The following GARIN1A variants were observed in gnomAD, a reference collection of about 807,000 sequenced individuals.
GARIN1A encodes the protein golgi associated RAB2 interactor 1A, also known as Golgi-associated RAB2 interactor protein 1A.
chr7:128,673,148 G>A, the GARIN1A span, among the ~76,000 whole-genome samples: 1 of 152,130 alleles, frequency 6.6e-6, no homozygotes, highest in Non-Finnish European at 1.5e-5. Flanking sequence ...ATGCTCCTGC[G>A]CAGGAGAGCA....
chr7:128,704,698 T>C, the GARIN1A span, among the ~76,000 whole-genome samples: 1 of 152,118 alleles, frequency 6.6e-6, no homozygotes, highest in Non-Finnish European at 1.5e-5. Flanking sequence ...CCGCCGCTGA[T>C]CTGACAGGAG....
chr7:128,690,349 TC>T, the GARIN1A span: 2 of 156,946 alleles, frequency 1.3e-5, no homozygotes, highest in Non-Finnish European at 2.8e-5. Context: ...TCTACTATTG[TC>T]CTATGACCCT....
At chr7:128,677,637 A>T in the GARIN1A span, 3 of 1,613,824 alleles carry the variant, frequency 1.9e-6, no homozygotes, top group Non-Finnish European at 2.5e-6. Flanking sequence ...TAGGACAGTG[A>T]CCGAAAAGAT....
chr7:128,701,320 A>G, the GARIN1A span, among the ~76,000 whole-genome samples: 6 of 98,876 alleles, frequency 6.1e-5, no homozygotes, highest in African/African-American at 2.3e-4. Context: ...GTACATCTAT[A>G]GGGGAGGGGG....
the GARIN1A span, chr7:128,672,576 C>T: frequency 7.2e-7 from 1 of 1,383,664 alleles, no homozygotes; most frequent in Admixed American, 2.1e-5. Context: ...TCAGGGCCAG[C>T]TGTCTTTCTG....
the GARIN1A span, among the ~76,000 whole-genome samples, chr7:128,704,204 A>G: frequency 8.3e-6 from 1 of 120,310 alleles, no homozygotes; most frequent in East Asian, 2.6e-4. Flanking sequence ...TTCTTGGAAG[A>G]CAGTCTTTCC....
the GARIN1A span, among the ~76,000 whole-genome samples, chr7:128,695,278 C>A: frequency 5.3e-5 from 8 of 152,300 alleles, no homozygotes; most frequent in African/African-American, 1.4e-4. This position sits in a 1 kb window ranked among gnomAD's most constrained non-coding sequence, Gnocchi z 4.5. Context: ...GAGGCGCATG[C>A]TGTCCGGCTT....
the GARIN1A span, among the ~76,000 whole-genome samples, chr7:128,673,040 G>A: frequency 1.3e-5 from 2 of 152,204 alleles, no homozygotes; most frequent in Non-Finnish European, 1.5e-5. Context: ...AAGTGAGCCT[G>A]GGATGGGGCC....
the GARIN1A span, chr7:128,697,372 A>C: frequency 6.6e-6 from 1 of 152,282 alleles, no homozygotes; most frequent in Admixed American, 6.5e-5. Flanking sequence ...TCACCCGGCC[A>C]TGTAAGCAGA....
chr7:128,676,845 G>A, the GARIN1A span, among the ~76,000 whole-genome samples: 1 of 151,952 alleles, frequency 6.6e-6, no homozygotes, highest in Non-Finnish European at 1.5e-5. Context: ...GCCTCTCTAA[G>A]CCTCAGCCTC....
the GARIN1A span, among the ~76,000 whole-genome samples, chr7:128,676,440 AGT>A: frequency 1.4e-5 from 2 of 139,682 alleles, no homozygotes; most frequent in Admixed American, 7.3e-5. Context: ...TGTGTGTGTA[AGT>A]GTGTGTGTAT....
At chr7:128,680,028 C>T in the GARIN1A span, 40 of 1,548,724 alleles carry the variant, frequency 2.6e-5, no homozygotes, top group East Asian at 5.8e-4. Flanking sequence ...TTTCTCCATC[C>T]AGCCTGAAAA....
chr7:128,682,664 G>A, the GARIN1A span, among the ~76,000 whole-genome samples: 3 of 152,022 alleles, frequency 2.0e-5, no homozygotes, highest in Non-Finnish European at 4.4e-5. Context: ...TGCAAGCTCC[G>A]CCTCCTGGGT....
At chr7:128,677,728 G>C in the GARIN1A span, 28 of 1,613,652 alleles carry the variant, frequency 1.7e-5, no homozygotes, top group African/African-American at 6.7e-5. Context: ...CTGCAGAAAG[G>C]CCTGTCCATC....
chr7:128,700,279 A>ATTTTTTTTTTTTTT, the GARIN1A span, among the ~76,000 whole-genome samples: 2 of 119,474 alleles, frequency 1.7e-5, 1 homozygote, highest in Non-Finnish European at 3.7e-5. Flanking sequence ...TTTGTTTTGT[A>ATTTTTTTTTTTTTT]TTTTGTTTTT....
chr7:128,681,653 C>T, the GARIN1A span, among the ~76,000 whole-genome samples: 5 of 151,806 alleles, frequency 3.3e-5, no homozygotes, highest in Non-Finnish European at 7.4e-5. Context: ...AGGCATGCAC[C>T]ACCATGCCTG....
the GARIN1A span, chr7:128,697,429 C>T: frequency 1.3e-5 from 2 of 152,476 alleles, no homozygotes; most frequent in African/African-American, 2.4e-5. Context: ...TGGGGCAGCC[C>T]GGCGCCACTG....
At chr7:128,672,491 C>A in the GARIN1A span, 2 of 1,609,390 alleles carry the variant, frequency 1.2e-6, no homozygotes, top group East Asian at 4.5e-5. Context: ...TCAACTGATT[C>A]ATTCTCCAGA....
the GARIN1A span, chr7:128,697,445 A>C: frequency 6.6e-6 from 1 of 152,078 alleles, no homozygotes; most frequent in Admixed American, 6.6e-5. Flanking sequence ...CACTGCCGGC[A>C]TCTACGCACC....
Sources: gnomAD v4.1 joint callset for allele counts (sites outside exome capture counted in the v4.1 genomes callset) on GRCh38, gnomAD v4.1.1 for gene constraint, Gnocchi (gnomAD v3.1) non-coding constraint, MANE v1.5 for transcripts, NCBI Gene and HGNC (gene_info 2026-07-23, HGNC 2026-07-21) for gene names.